The following KRI1 variants were observed in gnomAD, a reference collection of about 807,000 sequenced individuals.
KRI1 encodes KRI1 homolog.
Under a neutral mutation model 97.0 loss-of-function variants are expected in KRI1, and 83 were observed. That is an observed-to-expected ratio of 0.86 (90% CI 0.72 to 1.03). The LOEUF (loss-of-function observed/expected upper bound fraction) is 1.03. Ranked by LOEUF, KRI1 falls within the 50% of genes least tolerant of loss-of-function variation. The probability of loss-of-function intolerance (pLI) is 0.00; values close to 1 mark genes in which losing one functional copy is unlikely to be tolerated. For synonymous variants in KRI1, 371 were observed against 363.5 expected, an observed-to-expected ratio of 1.02 and a Z score of -0.23; for missense variants, 916 against 928.4, an observed-to-expected ratio of 0.99 and a Z score of 0.17.
intron 6 of KRI1, 28 bp downstream of exon 6, chr19:10,561,639 T>G (rs1161739686): frequency 6.2e-7 from 1 of 1,612,784 alleles, no homozygotes. Context: ...TTTCCTCCAT[T>G]GGGCCATTCC....
intron 12 of KRI1, 100 bp from the exon 13 acceptor site, chr19:10,558,339 C>T (rs567963872): frequency 8.9e-7 from 1 of 1,126,678 alleles, no homozygotes; most frequent in Non-Finnish European, 1.3e-6. Flanking sequence ...AACTTTACTC[C>T]TACAGCTAGG....
chr19:10,560,998 C>T lies in KRI1; in HGVS notation c.663+5G>A. On this transcript the variant is annotated splice_donor_5th_base_variant and intron_variant, in intron 8 of 18. Transcript: ENST00000312962. ...CTCCATCAGCGACCATGCGTGAGAA[C>T]TCACCAGTTCCTTCAGGGAATCTGG... is the stretch of plus-strand genomic sequence containing the variant. 6.2e-7 allele frequency: 1 copy of T among 1,611,224 alleles called. No homozygotes were observed. The highest frequency in any genetic ancestry group is 8.5e-7 in the Non-Finnish European group (1 of 1,177,318).
In KRI1 at chr19:10,553,627, G is replaced by A. The variant is rs1285737708; in HGVS notation, c.*324C>T. 7.9e-6 allele frequency: 2 copies of A among 252,242 alleles called. No homozygotes were observed. The highest frequency in any genetic ancestry group is 1.5e-5 in the Non-Finnish European group (2 of 134,440). The allele number at this position is 252,242 out of a possible 1,614,324, so 15.6% of individuals were successfully genotyped here. ...GTCTTGCTTTGTTGCCCAGGCTGGA[G>A]TGCAGTGGTGCAATCATAGCTCTCT... On this transcript the variant is annotated 3_prime_UTR_variant, in exon 19 of 19. Transcript: ENST00000312962.
chr19:10,563,431 C>T (rs530720087), intron 3 of KRI1, among the ~76,000 whole-genome samples: 216 of 151,584 alleles, frequency 1.4e-3, no homozygotes, highest in African/African-American at 5.0e-3. Flanking sequence ...CTGCAACCTC[C>T]GCCTCCCAGG....
At chr19:10,560,243 C>T (rs1916650295) in intron 9 of KRI1, 69 bp downstream of exon 9, 3 of 1,504,408 alleles carry the variant, frequency 2.0e-6, no homozygotes, top group Non-Finnish European at 1.8e-6. Flanking sequence ...GCCTCCTGGC[C>T]AGTGCCGCCT....
At chr19:10,560,933 T>G (rs1916672438) in intron 8 of KRI1, 70 bp downstream of exon 8, 1 of 1,200,728 alleles carries the variant, frequency 8.3e-7, no homozygotes, top group Non-Finnish European at 1.2e-6. Context: ...GAGGGTTACT[T>G]TCTGTAAATA....
At position 10,560,377 on chromosome 19, in the gene KRI1, G is replaced by A. The variant is rs768399037; in HGVS notation, c.735C>T (p.Leu245=). The A allele has an allele frequency of 1.9e-6, 3 of 1,613,760 alleles. No individual in the cohort carries two copies. The highest frequency in any genetic ancestry group is 2.2e-5 in the South Asian group (2 of 90,982). The change falls in exon 9 of 19, where the codon CTC becomes CTT. Residue 245 remains leucine, a synonymous_variant. Coordinates refer to ENST00000312962, the MANE Select transcript of KRI1 (RefSeq NM_023008.5). The part of the protein sequence containing the change: ...EGERFLRDYI[L]NKRYEEEEEE... The stretch of plus-strand genomic sequence containing the variant: ...CTTCCTCCTCCTCATAGCGTTTGTT[G>A]AGGATGTAATCCCGCAGGAACCGCT...
Position 10,562,801 on chromosome 19 carries a change from A to G in KRI1, c.311T>C (p.Leu104Ser). The G allele has an allele frequency of 6.2e-7, 1 of 1,613,290 alleles. No homozygotes were observed. The highest frequency in any genetic ancestry group is 8.5e-7 in the Non-Finnish European group (1 of 1,179,266). Residue 104 changes from leucine (L) to serine (S), a missense_variant, in exon 4 of 19, where the codon TTG becomes TCG. Leu to Ser is a moderately radical substitution (Grantham distance 145). Coordinates refer to ENST00000312962, the MANE Select transcript of KRI1 (RefSeq NM_023008.5). ...SSDSEEDPEA[L>S]EKQKKVRPMY... ...GGGCCGCACTTTCTTCTGCTTCTCC[A>G]AGGCTTCTGGGTCCTCCTCACTGTC...
chr19:10,554,172 C>T lies in KRI1; in HGVS notation c.1891G>A (p.Ala631Thr). The T allele has an allele frequency of 6.2e-7, 1 of 1,613,946 alleles. No individual in the cohort carries two copies. The highest frequency in any genetic ancestry group is 1.1e-5 in the South Asian group (1 of 91,066). The change falls in exon 19 of 19, where the codon GCA becomes ACA. Residue 631 changes from alanine (A) to threonine (T), a missense_variant. Around this residue, in one of 3 missense-constraint regions of KRI1, gnomAD observed 672 missense variants for 667.2 expected, o/e 1.01. Transcript: ENST00000312962. ...GSLMGPESPP[A>T]QEEEAPVSPH... ...GATACAGGGGCTTCCTCTTCCTGTG[C>T]TGGGGGACTCTCCGGCCCCATCAAG...
Position 10,553,153 on chromosome 19 carries a change from A to C in KRI1, c.*798T>G. ...TGTGGGATCTTGAGCTCTGGCAGTG[A>C]TGATGGTACTTCCTGTTGTCAGCCC... On this transcript the variant is annotated 3_prime_UTR_variant, in exon 19 of 19. Transcript: ENST00000312962. 24 of 1,431,912 alleles carry C rather than the reference A, an allele frequency of 1.7e-5. No individual in the cohort carries two copies. Among genetic ancestry groups the C allele is most frequent in the Non-Finnish European group, 2.2e-5 (24 of 1,078,658 alleles). 88.7% of individuals were successfully genotyped at this position (1,431,912 alleles called of 1,614,324 possible). A position where few individuals can be genotyped will look rare whatever the true frequency, so the allele number is the denominator to read the frequency against.
intron 3 of KRI1, among the ~76,000 whole-genome samples, chr19:10,563,452 T>G (rs983607039): frequency 7.9e-5 from 12 of 151,850 alleles, no homozygotes; most frequent in Admixed American, 1.3e-4. Context: ...TTCAAGCGAT[T>G]CCCCTGCCTC....
At chr19:10,559,292 A>G in intron 12 of KRI1, 67 bp downstream of exon 12, 1 of 1,554,010 alleles carries the variant, frequency 6.4e-7, no homozygotes, top group Admixed American at 1.8e-5. Flanking sequence ...GGCGTGAGCC[A>G]CCGTGGCCAG....
rs1000557156 is a variant in KRI1, at chr19:10,565,692, TC to T, written c.168+24del. ...AGGGGGGCTTGGACGCCTCCGCACG[TC>T]CAGGACGGGGCGGGGACGCGCACCA... is the stretch of plus-strand genomic sequence containing the variant. On this transcript the variant is annotated intron_variant, in intron 2 of 18. Transcript: ENST00000312962. 3.2e-6 allele frequency: 5 copies of T among 1,555,032 alleles called. No individual in the cohort carries two copies. In the African/African-American group the frequency reaches 7.0e-5, roughly 22 times the overall value.
rs1196927328 is a variant in KRI1, at chr19:10,561,181, G to C, written c.573C>G (p.Thr191=). 1.1e-5 allele frequency: 17 copies of C among 1,613,954 alleles called. No individual in the cohort carries two copies. The highest frequency in any genetic ancestry group is 1.4e-5 in the Non-Finnish European group (17 of 1,179,976). The change falls in exon 7 of 19, where the codon ACC becomes ACG. Residue 191 remains threonine, a synonymous_variant. Transcript: ENST00000312962. ...CCCCAGTACCCACCTTCTCCTGCCT[G>C]GTTTTGGCACGTTTCTGCAGCAAAC... is the stretch of plus-strand genomic sequence containing the variant. ...GSSLLQKRAK[T]RQEKAQEEAD...
At chr19:10,564,549 C>G (rs1470181661) in intron 3 of KRI1, among the ~76,000 whole-genome samples, 1 of 152,110 alleles carries the variant, frequency 6.6e-6, no homozygotes, top group Non-Finnish European at 1.5e-5. Flanking sequence ...ACCTCAGCCT[C>G]CCAAAGTGCT....
chr19:10,559,757 T>C, intron 10 of KRI1, 49 bp from the exon 11 acceptor site: 1 of 1,613,666 alleles, frequency 6.2e-7, no homozygotes, highest in East Asian at 2.2e-5. Flanking sequence ...TGATGTGGGG[T>C]TCCCTGGGCC....
intron 2 of KRI1, chr19:10,565,255 AAGG>A: frequency 3.5e-6 from 2 of 578,826 alleles, no homozygotes; most frequent in African/African-American, 1.9e-5. Flanking sequence ...GGTGAGGGGC[AAGG>A]AGAAGGTAAT....
chr19:10,565,812 C>CCCCG (rs1916852813), intron 1 of KRI1, 22 bp from the exon 2 acceptor site: 4 of 1,276,456 alleles, frequency 3.1e-6, no homozygotes, highest in Middle Eastern at 1.9e-4. Context: ...AGACGGGATG[C>CCCCG]CCCCCCCCAG....
chr19:10,558,460 A>G (rs1388663482), intron 12 of KRI1, among the ~76,000 whole-genome samples: 1 of 151,980 alleles, frequency 6.6e-6, no homozygotes, highest in Non-Finnish European at 1.5e-5. Flanking sequence ...GCCGCCATTC[A>G]GTTCCACATA....
Sources: allele counts gnomAD v4.1 joint callset (sites outside exome capture counted in the v4.1 genomes callset), GRCh38; gene constraint gnomAD v4.1.1; regional missense constraint gnomAD v4.1.1; transcripts MANE v1.5; gene names NCBI Gene and HGNC (gene_info 2026-07-23, HGNC 2026-07-21).